PDE1A: variants seen among roughly 807,000 people sequenced by gnomAD.
PDE1A encodes the protein phosphodiesterase 1A, also known as dual specificity calcium/calmodulin-dependent 3',5'-cyclic nucleotide phosphodiesterase 1A.
In PDE1A, 35 loss-of-function variants were observed where a neutral mutation model predicts 61.7. The ratio of observed to expected loss-of-function variants is 0.57; its 90% CI spans 0.43 to 0.75. The LOEUF (loss-of-function observed/expected upper bound fraction) is 0.75. Ranked by LOEUF, PDE1A falls within the 30% of genes least tolerant of loss-of-function variation. The pLI, the probability that PDE1A is intolerant of heterozygous loss-of-function variation, is 0.00. For synonymous variants in PDE1A, 232 were observed against 213.2 expected (o/e 1.09, Z -0.77); for missense variants, 597 against 630.6 (o/e 0.95, Z 0.57).
intron 1 of PDE1A, among the ~76,000 whole-genome samples, chr2:182,391,104 G>A (rs1030659287): frequency 2.4e-4 from 36 of 152,270 alleles, no homozygotes; most frequent in African/African-American, 8.4e-4. Context: ...CAGAAATCTG[G>A]AGAACGGCTC....
chr2:182,522,248 G>A, intron 2 of PDE1A: 1 of 1,574,396 alleles, frequency 6.4e-7, no homozygotes, highest in Non-Finnish European at 8.7e-7. Flanking sequence ...TCTTTTGGGG[G>A]GAAATAAAAA....
chr2:182,177,263 A>T (rs1235993825), intron 13 of PDE1A, among the ~76,000 whole-genome samples: 1 of 152,116 alleles, frequency 6.6e-6, no homozygotes, highest in Non-Finnish European at 1.5e-5. Context: ...AAGGAATGGC[A>T]CCAGTTTCTC....
At chr2:182,670,390 A>G in the PDE1A span, among the ~76,000 whole-genome samples, 1,923 of 152,322 alleles carry the variant, frequency 0.013, 23 homozygotes, top group South Asian at 0.049. Context: ...GGGCAAGTAA[A>G]TCAGAATATC....
intron 2 of PDE1A, among the ~76,000 whole-genome samples, chr2:182,262,199 T>C (rs554594055): frequency 6.9e-6 from 1 of 144,430 alleles, no homozygotes; most frequent in East Asian, 2.0e-4. Context: ...TTTCTTTTTT[T>C]CTCTTTCCTT....
chr2:182,242,693 A>G (rs1690614457), intron 2 of PDE1A, among the ~76,000 whole-genome samples: 2 of 152,202 alleles, frequency 1.3e-5, no homozygotes, highest in South Asian at 4.1e-4. Context: ...AAAGAAGATT[A>G]AGGTCCCCCA....
At chr2:182,172,397 T>C (rs1692309705) in intron 13 of PDE1A, among the ~76,000 whole-genome samples, 1 of 152,056 alleles carries the variant, frequency 6.6e-6, no homozygotes, top group Non-Finnish European at 1.5e-5. Flanking sequence ...ATGACTTAAT[T>C]AGTGGTTCTC....
chr2:182,437,270 C>T lies in PDE1A; in HGVS notation c.101+85006G>A, dbSNP rs79061046. 1.6e-3 allele frequency among the ~76,000 whole-genome samples: 246 copies of T among 152,034 alleles called. 4 individuals carry two copies. The highest frequency in any genetic ancestry group is 3.1e-3 in the East Asian group (16 of 5,160). ...ATGAAGTTGTGATATATATCCCCAA[C>T]GTACAGAATGGGTCTCCAACACAAA... is the stretch of plus-strand genomic sequence containing the variant. On this transcript the variant is annotated intron_variant, in intron 2 of 14. Coordinates refer to the PDE1A transcript ENST00000410103.
the PDE1A span, among the ~76,000 whole-genome samples, chr2:182,563,982 C>G: frequency 3.4e-3 from 516 of 152,136 alleles, 3 homozygotes; most frequent in South Asian, 0.012. Flanking sequence ...GAATACAGCA[C>G]ACTGATGGGT....
intron 2 of PDE1A, among the ~76,000 whole-genome samples, chr2:182,466,729 G>A (rs1433997382): frequency 6.6e-6 from 1 of 151,958 alleles, no homozygotes; most frequent in Non-Finnish European, 1.5e-5. Flanking sequence ...CAGGAGTGGG[G>A]GCTCTTGACT....
chr2:182,168,404 C>T (rs1462521264), intron 13 of PDE1A: 15 of 928,768 alleles, frequency 1.6e-5, no homozygotes, highest in African/African-American at 3.4e-5. Flanking sequence ...AAATTACTGT[C>T]GTAAAATTAT....
chr2:182,186,398 A>G, intron 12 of PDE1A, 70 bp downstream of exon 12: 8 of 1,522,630 alleles, frequency 5.3e-6, no homozygotes, highest in Non-Finnish European at 7.2e-6. Flanking sequence ...TGTGAGAAAT[A>G]TAATCATTAA....
At chr2:182,693,638 T>C in the PDE1A span, among the ~76,000 whole-genome samples, 1 of 46,364 alleles carries the variant, frequency 2.2e-5, no homozygotes. Flanking sequence ...GATAGTGTTC[T>C]TTTTTTTTTT....
intron 1 of PDE1A, among the ~76,000 whole-genome samples, chr2:182,407,658 G>C (rs548731289): frequency 6.6e-6 from 1 of 152,276 alleles, no homozygotes; most frequent in East Asian, 1.9e-4. Flanking sequence ...TGGGATTACA[G>C]ATGTGAGCCA....
chr2:182,211,507 T>G (rs1168904303), intron 7 of PDE1A, among the ~76,000 whole-genome samples: 1 of 152,220 alleles, frequency 6.6e-6, no homozygotes, highest in Non-Finnish European at 1.5e-5. Context: ...ATGAGTCTTT[T>G]GCCTCTCCAT....
intron 2 of PDE1A, among the ~76,000 whole-genome samples, chr2:182,470,661 T>C (rs982569707): frequency 1.3e-5 from 2 of 151,836 alleles, no homozygotes; most frequent in Non-Finnish European, 2.9e-5. Context: ...AGTGGGTTTC[T>C]GTACATTGAG....
intron 8 of PDE1A, 110 bp downstream of exon 8, chr2:182,205,830 G>T: frequency 1.1e-6 from 1 of 918,746 alleles, no homozygotes; most frequent in Non-Finnish European, 1.7e-6. Context: ...CAGTAATTAA[G>T]TTTGTAATTT....
intron 3 of PDE1A, among the ~76,000 whole-genome samples, chr2:182,238,270 A>AAAAAAAAAAAAAAG (rs1312652981): frequency 1.1e-4 from 16 of 150,290 alleles, no homozygotes; most frequent in African/African-American, 3.9e-4. Flanking sequence ...CTACGTCAAA[A>AAAAAAAAAAAAAAG]AAAAAAAAAA....
chr2:182,375,010 T>C (rs1385285856), intron 1 of PDE1A, among the ~76,000 whole-genome samples: 2 of 152,308 alleles, frequency 1.3e-5, no homozygotes, highest in East Asian at 3.9e-4. Context: ...GTGAGACTTA[T>C]TCACTACCAT....
chr2:182,535,560 T>A, the PDE1A span, among the ~76,000 whole-genome samples: 3 of 152,220 alleles, frequency 2.0e-5, no homozygotes, highest in Admixed American at 2.0e-4. Flanking sequence ...TAATTTTTAG[T>A]TAACTATCTT....
Sources: allele counts gnomAD v4.1 joint callset (sites outside exome capture counted in the v4.1 genomes callset), GRCh38; gene constraint gnomAD v4.1.1; transcripts MANE v1.5; gene names NCBI Gene and HGNC (gene_info 2026-07-23, HGNC 2026-07-21).